ADTRP: variants seen among roughly 807,000 people sequenced by gnomAD.
ADTRP encodes the protein androgen dependent TFPI regulating protein, also known as androgen-dependent TFPI-regulating protein.
Under a neutral mutation model 27.0 loss-of-function variants are expected in ADTRP, and 20 were observed. That is an observed-to-expected ratio of 0.74 (90% confidence interval 0.52 to 1.08). ADTRP has a LOEUF of 1.08. Ranked by LOEUF, ADTRP falls within the 50% of genes least tolerant of loss-of-function variation. The probability of loss-of-function intolerance (pLI) is 0.00; values close to 1 mark genes in which losing one functional copy is unlikely to be tolerated. For missense variants in ADTRP, 251 were observed against 275.0 expected (o/e 0.91, Z 0.62); for synonymous variants, 101 against 105.2 (o/e 0.96, Z 0.25).
chr6:11,765,629 G>A (rs1296500242), intron 3 of ADTRP, among the ~76,000 whole-genome samples: 1 of 151,992 alleles, frequency 6.6e-6, no homozygotes, highest in Non-Finnish European at 1.5e-5. Flanking sequence ...TTCACATTGT[G>A]CCGATGATTC....
Position 11,774,836 on chromosome 6 carries a change from T to TC in ADTRP, c.153+3770dup, listed in dbSNP as rs144299378. Among the ~76,000 whole-genome samples, 543 of 152,288 alleles carry TC rather than the reference T, an allele frequency of 3.6e-3. 16 individuals carry two copies. The East Asian group carries it at 0.066, about 19-fold the overall frequency. ...TCATATTCTCTGGGATTAGGGACAG[T>TC]CCCTGGATGGAAATGGGGTGGACAG... On this transcript the variant is annotated intron_variant, in intron 1 of 5. Coordinates refer to ENST00000414691, the MANE Select transcript of ADTRP (RefSeq NM_032744.4).
At position 11,771,348 on chromosome 6, in the gene ADTRP, C is replaced by T. The variant is rs569419607; in HGVS notation, c.154-2965G>A. 3.3e-5 allele frequency among the ~76,000 whole-genome samples: 5 copies of T among 152,282 alleles called. No homozygotes were observed. The East Asian group carries it at 7.7e-4, about 24-fold the overall frequency. On this transcript the variant is annotated intron_variant, in intron 1 of 5. Coordinates refer to ENST00000414691, the MANE Select transcript of ADTRP (RefSeq NM_032744.4). ...ATTCACCACAAGCAGGTGGAACCCCCGCGTGGGGGCTCAGGAGGGAGGCAC... is the reference window on the plus strand; with the variant it reads ...ATTCACCACAAGCAGGTGGAACCCCTGCGTGGGGGCTCAGGAGGGAGGCAC...
chr6:11,723,818 G>T (rs1762095586), intron 4 of ADTRP, among the ~76,000 whole-genome samples: 1 of 152,146 alleles, frequency 6.6e-6, no homozygotes, highest in Non-Finnish European at 1.5e-5. Flanking sequence ...CAGCACTTTG[G>T]GAGGCTGAGG....
chr6:11,724,506 CATG>C (rs1762125911), intron 4 of ADTRP, among the ~76,000 whole-genome samples: 1 of 152,176 alleles, frequency 6.6e-6, no homozygotes, highest in African/African-American at 2.4e-5. Context: ...GGAGAAGAGC[CATG>C]ATGTCTAAGT....
chr6:11,717,496 T>A (rs1761871813), intron 5 of ADTRP: 2 of 1,211,584 alleles, frequency 1.7e-6, no homozygotes, highest in South Asian at 1.4e-5. Context: ...ATTATTCCAA[T>A]AGTTAGAAAT....
intron 4 of ADTRP, among the ~76,000 whole-genome samples, chr6:11,723,904 CA>C (rs1470945966): frequency 6.6e-6 from 1 of 151,812 alleles, no homozygotes; most frequent in Non-Finnish European, 1.5e-5. Context: ...ACTAAAAATA[CA>C]AAAAATTAAC....
Position 11,777,026 on chromosome 6 carries a change from GC to G in ADTRP, c.153+1580del, listed in dbSNP as rs753806003. On this transcript the variant is annotated intron_variant, in intron 1 of 5. Transcript: ENST00000414691. ...GGTCATCCAGGTAGGCTTAATATAAGCCTGGAATGAGAGAGACAGTAGTAAG... is the reference window on the plus strand; with the variant it reads ...GGTCATCCAGGTAGGCTTAATATAAGCTGGAATGAGAGAGACAGTAGTAAG... 2.6e-5 allele frequency among the ~76,000 whole-genome samples: 4 copies of G among 152,316 alleles called. No individual in the cohort carries two copies. The South Asian group carries it at 8.3e-4, about 32-fold the overall frequency.
chr6:11,726,426 A>AT (rs111964760), intron 4 of ADTRP, among the ~76,000 whole-genome samples: 3 of 151,258 alleles, frequency 2.0e-5, no homozygotes, highest in African/African-American at 2.4e-5. Context: ...CTAGAAATGG[A>AT]TTTTTTCTAT....
intron 3 of ADTRP, among the ~76,000 whole-genome samples, chr6:11,754,674 A>C (rs1223034102): frequency 6.6e-6 from 1 of 152,224 alleles, no homozygotes; most frequent in African/African-American, 2.4e-5. Context: ...GTGGCTTCTT[A>C]GTAGGCAGAG....
intron 1 of ADTRP, among the ~76,000 whole-genome samples, chr6:11,775,566 T>C (rs1160801704): frequency 6.6e-6 from 1 of 152,062 alleles, no homozygotes; most frequent in African/African-American, 2.4e-5. Context: ...GTCAGTTTAC[T>C]CTCTTATTAG....
chr6:11,723,040 T>C (rs1422340899), intron 5 of ADTRP, among the ~76,000 whole-genome samples: 1 of 152,222 alleles, frequency 6.6e-6, no homozygotes, highest in Non-Finnish European at 1.5e-5. Context: ...ATGCTAGGGA[T>C]GGTAATACCT....
At chr6:11,751,437 G>C (rs1162373702) in intron 3 of ADTRP, among the ~76,000 whole-genome samples, 1 of 152,068 alleles carries the variant, frequency 6.6e-6, no homozygotes, top group East Asian at 1.9e-4. Flanking sequence ...TGTATTATGA[G>C]AGTGGTTATT....
At chr6:11,751,931 T>C (rs1015283738) in intron 3 of ADTRP, among the ~76,000 whole-genome samples, 1 of 152,244 alleles carries the variant, frequency 6.6e-6, no homozygotes, top group Non-Finnish European at 1.5e-5. Context: ...TGGTTTCTTT[T>C]TAGGAAATCC....
At chr6:11,727,214 G>T (rs1290410085) in intron 4 of ADTRP, among the ~76,000 whole-genome samples, 1 of 152,056 alleles carries the variant, frequency 6.6e-6, no homozygotes, top group Non-Finnish European at 1.5e-5. Flanking sequence ...TAAAGACAGG[G>T]TTTCACCATG....
At chr6:11,722,391 C>T (rs1342563107) in intron 5 of ADTRP, among the ~76,000 whole-genome samples, 2 of 152,078 alleles carry the variant, frequency 1.3e-5, no homozygotes, top group Non-Finnish European at 2.9e-5. Flanking sequence ...TTTGCATACA[C>T]GGGCTTATGT....
chr6:11,751,726 C>T (rs1212592694), intron 3 of ADTRP, among the ~76,000 whole-genome samples: 1 of 152,224 alleles, frequency 6.6e-6, no homozygotes, highest in Non-Finnish European at 1.5e-5. Context: ...TTCCCTTTAG[C>T]ATCTCCTTCA....
intron 3 of ADTRP, among the ~76,000 whole-genome samples, chr6:11,762,549 C>T (rs928116657): frequency 1.3e-5 from 2 of 152,190 alleles, no homozygotes; most frequent in African/African-American, 4.8e-5. Context: ...AAGGTCCTGT[C>T]TCTCAATAGC....
chr6:11,766,406 T>C (rs1367065288), intron 2 of ADTRP, 31 bp from the exon 3 acceptor site: 1 of 1,518,124 alleles, frequency 6.6e-7, no homozygotes, highest in Non-Finnish European at 9.1e-7. Flanking sequence ...AATAGCATCA[T>C]TAGGCTTGTT....
intron 3 of ADTRP, among the ~76,000 whole-genome samples, chr6:11,758,662 T>C (rs902238465): frequency 1.6e-4 from 24 of 150,730 alleles, no homozygotes; most frequent in African/African-American, 5.6e-4. Context: ...GGCACATGTA[T>C]ACATATGTAA....
Sources: gnomAD v4.1 joint callset for allele counts (sites outside exome capture counted in the v4.1 genomes callset) on GRCh38, gnomAD v4.1.1 for gene constraint, MANE v1.5 for transcripts, NCBI Gene and HGNC (gene_info 2026-07-23, HGNC 2026-07-21) for gene names.